GIPC2: variants seen among roughly 807,000 people sequenced by gnomAD.
GIPC2 encodes the protein PDZ domain-containing protein GIPC2.
GIPC2 carries 30 observed loss-of-function variants against 30.6 expected under a neutral mutation model. The observed-to-expected ratio is 0.98, with a 90% confidence interval of 0.73 to 1.33. The LOEUF is 1.33. Ranked by LOEUF, GIPC2 falls within the 40% of genes most tolerant of loss-of-function variation. The probability of loss-of-function intolerance (pLI) is 0.00; values close to 1 mark genes in which losing one functional copy is unlikely to be tolerated. For synonymous variants in GIPC2, 167 were observed against 150.0 expected (o/e 1.11, Z -0.83); for missense variants, 414 against 390.3 (o/e 1.06, Z -0.51).
At chr1:78,129,815 G>T (rs1001842159) in intron 5 of GIPC2, among the ~76,000 whole-genome samples, 1 of 152,148 alleles carries the variant, frequency 6.6e-6, no homozygotes, top group Non-Finnish European at 1.5e-5. Flanking sequence ...TGTAAGTTGT[G>T]TATAGAACTA....
chr1:78,045,947 G>T, upstream of GIPC2: 2 of 1,369,634 alleles, frequency 1.5e-6, no homozygotes, highest in South Asian at 3.5e-5. Context: ...GGAGGTCGGG[G>T]CCCTGACCCG....
At chr1:78,105,213 A>G (rs746568431) in intron 3 of GIPC2, among the ~76,000 whole-genome samples, 1 of 152,154 alleles carries the variant, frequency 6.6e-6, no homozygotes, top group African/African-American at 2.4e-5. Flanking sequence ...ATTATAATCT[A>G]TAATACTAAA....
intron 5 of GIPC2, among the ~76,000 whole-genome samples, chr1:78,129,007 AAAATAAAT>A (rs146694059): frequency 1.4e-5 from 2 of 142,624 alleles, no homozygotes; most frequent in African/African-American, 2.6e-5. Flanking sequence ...CCTGTCTCTA[AAAATAAAT>A]AAATAAATAA....
chr1:78,055,086 T>G (rs148552500), intron 1 of GIPC2, among the ~76,000 whole-genome samples: 1 of 152,350 alleles, frequency 6.6e-6, no homozygotes, highest in Admixed American at 6.5e-5. Context: ...AAAAATTTAT[T>G]GACTGGGAAG....
chr1:78,077,157 G>C (rs1168390154), intron 1 of GIPC2, among the ~76,000 whole-genome samples: 1 of 152,142 alleles, frequency 6.6e-6, no homozygotes, highest in Non-Finnish European at 1.5e-5. Flanking sequence ...AACTTTAAAT[G>C]TAGCTGGTTC....
At chr1:78,056,528 GA>G (rs1402586625) in intron 1 of GIPC2, among the ~76,000 whole-genome samples, 2 of 152,134 alleles carry the variant, frequency 1.3e-5, no homozygotes, top group African/African-American at 2.4e-5. Context: ...CAAAATCAAG[GA>G]AATAGTGTAA....
Position 78,052,137 on chromosome 1 carries a change from C to T in GIPC2, c.240+5803C>T, listed in dbSNP as rs143725698. 1.4e-4 allele frequency among the ~76,000 whole-genome samples: 21 copies of T among 152,194 alleles called. No homozygotes were observed. The East Asian group carries it at 1.5e-3, about 11-fold the overall frequency. On this transcript the variant is annotated intron_variant, in intron 1 of 5. Transcript: ENST00000370759. Reference sequence around the variant, plus strand: ...AGACTTTTGCATTGGTTTTTGCCTCCGCCAGAACCTCTTCCTACAGAATGC... The same window carrying T: ...AGACTTTTGCATTGGTTTTTGCCTCTGCCAGAACCTCTTCCTACAGAATGC...
chr1:78,045,933 G>T, upstream of GIPC2: 1 of 1,355,456 alleles, frequency 7.4e-7, no homozygotes, highest in Non-Finnish European at 9.4e-7. Context: ...TCCGGTCCAG[G>T]GGTGGAGGTC....
Position 78,091,084 on chromosome 1 carries a change from C to T in GIPC2, c.427-3868C>T, listed in dbSNP as rs1224917778. Among the ~76,000 whole-genome samples, 4 of 152,232 alleles carry T rather than the reference C, an allele frequency of 2.6e-5. No individual in the cohort carries two copies. The East Asian group carries it at 7.7e-4, about 29-fold the overall frequency. On this transcript the variant is annotated intron_variant, in intron 2 of 5. Coordinates refer to ENST00000370759, the MANE Select transcript of GIPC2 (RefSeq NM_017655.6). ...TTGGGTTCTATACCTTTTTTAAAAA[C>T]ATTTTTAATTTTAAAAATTATGTCA...
Position 78,124,967 on chromosome 1 carries a change from ACT to A in GIPC2, c.715-911_715-910del, listed in dbSNP as rs1201171469. 3.3e-5 allele frequency among the ~76,000 whole-genome samples: 5 copies of A among 152,246 alleles called. No homozygotes were observed. The East Asian group carries it at 9.7e-4, about 29-fold the overall frequency. ...ACTTCAGCCTGGGCAACAGAATGAG[ACT>A]CTGTCTCAAACAAAACAAAACAAAA... On this transcript the variant is annotated intron_variant, in intron 4 of 5. Coordinates refer to ENST00000370759, the MANE Select transcript of GIPC2 (RefSeq NM_017655.6).
chr1:78,116,097 T>C (rs892501233), intron 3 of GIPC2, among the ~76,000 whole-genome samples: 1 of 152,170 alleles, frequency 6.6e-6, no homozygotes, highest in African/African-American at 2.4e-5. Context: ...CTTAAAATCA[T>C]GGCGGAAGGG....
chr1:78,116,348 A>G (rs1662566177), intron 3 of GIPC2, among the ~76,000 whole-genome samples: 1 of 152,082 alleles, frequency 6.6e-6, no homozygotes, highest in Non-Finnish European at 1.5e-5. Flanking sequence ...CATATCACCT[A>G]GGTTCTTTTT....
chr1:78,118,247 CAAA>C (rs71810685), intron 3 of GIPC2, among the ~76,000 whole-genome samples: 8 of 34,240 alleles, frequency 2.3e-4, no homozygotes, highest in African/African-American at 7.8e-4. Context: ...AGTTTCATTG[CAAA>C]AAAAAAAAAA....
At chr1:78,130,189 G>A (rs1381147282) in intron 5 of GIPC2, among the ~76,000 whole-genome samples, 2 of 142,538 alleles carry the variant, frequency 1.4e-5, no homozygotes, top group Non-Finnish European at 3.0e-5. Flanking sequence ...TGCAACCCCC[G>A]CCTCCCGGGT....
intron 3 of GIPC2, among the ~76,000 whole-genome samples, chr1:78,098,169 C>T (rs74093214): frequency 1.3e-5 from 2 of 152,154 alleles, no homozygotes; most frequent in South Asian, 2.1e-4. Context: ...GAGGGAGAAG[C>T]GTATTGTCAA....
intron 3 of GIPC2, among the ~76,000 whole-genome samples, chr1:78,103,451 T>C (rs1253459668): frequency 3.3e-5 from 5 of 152,200 alleles, no homozygotes; most frequent in Non-Finnish European, 7.3e-5. Context: ...TAGAACAGTG[T>C]TATGTAATTG....
chr1:78,100,951 C>T (rs199637915), intron 3 of GIPC2, among the ~76,000 whole-genome samples: 20,444 of 132,674 alleles, frequency 0.15, 1,778 homozygotes, highest in East Asian at 0.46. Flanking sequence ...TACACACACA[C>T]ACACACACAC....
intron 2 of GIPC2, among the ~76,000 whole-genome samples, chr1:78,084,490 G>A (rs1208495613): frequency 7.2e-5 from 10 of 139,812 alleles, no homozygotes; most frequent in East Asian, 2.1e-4. Flanking sequence ...CAGCCTGGGC[G>A]ACAGAGGGAG....
intron 1 of GIPC2, among the ~76,000 whole-genome samples, chr1:78,046,839 A>T (rs1209365224): frequency 6.6e-6 from 1 of 151,184 alleles, no homozygotes; most frequent in Admixed American, 6.6e-5. Context: ...GGGGGGGAAA[A>T]CATTGAAGAG....
Sources: gnomAD v4.1 joint callset for allele counts (sites outside exome capture counted in the v4.1 genomes callset) on GRCh38, gnomAD v4.1.1 for gene constraint, MANE v1.5 for transcripts, NCBI Gene and HGNC (gene_info 2026-07-23, HGNC 2026-07-21) for gene names.